AGBL4: variants seen among roughly 807,000 people sequenced by gnomAD.
The protein encoded by AGBL4 is AGBL carboxypeptidase 4.
AGBL4 carries 58 observed loss-of-function variants against 66.4 expected under a neutral mutation model. The ratio of observed to expected loss-of-function variants is 0.87; its 90% CI spans 0.71 to 1.09. The LOEUF (loss-of-function observed/expected upper bound fraction) is 1.09, where lower values mean the gene tolerates loss of function less well. Among genes scored for constraint, AGBL4 ranks in the 50% least tolerant of loss-of-function variants. The pLI is 0.00. For missense variants in AGBL4, 579 were observed against 631.0 expected (o/e 0.92, Z 0.88); for synonymous variants, 234 against 222.9 (o/e 1.05, Z -0.44).
At chr1:49,950,842 T>C (rs961374390) in intron 1 of AGBL4, among the ~76,000 whole-genome samples, 2 of 151,738 alleles carry the variant, frequency 1.3e-5, no homozygotes, top group Admixed American at 6.6e-5. Flanking sequence ...CAAGTGTCAA[T>C]TGATAAATGA....
chr1:49,797,474 C>T (rs1644758339), intron 2 of AGBL4, among the ~76,000 whole-genome samples: 1 of 152,128 alleles, frequency 6.6e-6, no homozygotes, highest in Non-Finnish European at 1.5e-5. Context: ...TGCTCTGTCG[C>T]CCAGGCTAGA....
intron 3 of AGBL4, among the ~76,000 whole-genome samples, chr1:49,509,293 A>T (rs1648979708): frequency 1.3e-5 from 2 of 151,962 alleles, no homozygotes; most frequent in African/African-American, 4.8e-5. Flanking sequence ...AGCAGAGGAT[A>T]ACCAATTATT....
At chr1:48,702,785 G>T (rs1458454470) in intron 6 of AGBL4, among the ~76,000 whole-genome samples, 2 of 152,146 alleles carry the variant, frequency 1.3e-5, no homozygotes, top group African/African-American at 4.8e-5. Flanking sequence ...ACTATTCTGG[G>T]CAAGGAGGAA....
chr1:49,797,736 C>A (rs1378850423), intron 2 of AGBL4, among the ~76,000 whole-genome samples: 1 of 152,044 alleles, frequency 6.6e-6, no homozygotes, highest in African/African-American at 2.4e-5. Flanking sequence ...TGAGTCACTG[C>A]GCAGCACAGC....
chr1:48,555,672 G>T (rs1644310500), intron 11 of AGBL4, among the ~76,000 whole-genome samples: 1 of 152,140 alleles, frequency 6.6e-6, no homozygotes, highest in Non-Finnish European at 1.5e-5. Context: ...TGGTTCCAGG[G>T]TGATTTCTCC....
intron 6 of AGBL4, among the ~76,000 whole-genome samples, chr1:48,701,862 A>AAATG (rs1312271062): frequency 2.0e-5 from 3 of 152,208 alleles, no homozygotes; most frequent in Admixed American, 6.5e-5. Context: ...AAATAGACAT[A>AAATG]AATGAATGAA....
intron 3 of AGBL4, among the ~76,000 whole-genome samples, chr1:49,507,226 A>G (rs1368128559): frequency 6.6e-6 from 1 of 151,956 alleles, no homozygotes; most frequent in Non-Finnish European, 1.5e-5. Flanking sequence ...AGCTGAGCCT[A>G]TTTCTCAACC....
At chr1:49,681,335 G>A (rs1646689388) in intron 3 of AGBL4, among the ~76,000 whole-genome samples, 1 of 152,136 alleles carries the variant, frequency 6.6e-6, no homozygotes, top group Non-Finnish European at 1.5e-5. Flanking sequence ...TCAATCTTGT[G>A]TTTTAGCAGT....
chr1:48,631,614 G>A (rs952713683), intron 9 of AGBL4, among the ~76,000 whole-genome samples: 3 of 152,088 alleles, frequency 2.0e-5, no homozygotes, highest in Admixed American at 6.5e-5. Context: ...GGCTGGTCTC[G>A]AACTCCTGAC....
At chr1:48,885,897 G>A (rs912847847) in intron 5 of AGBL4, among the ~76,000 whole-genome samples, 7 of 152,194 alleles carry the variant, frequency 4.6e-5, no homozygotes, top group Admixed American at 4.6e-4. Context: ...ACTGTAGATG[G>A]CAACCCCAAA....
rs144559503 is a variant in AGBL4, at chr1:48,866,925, G to A, written c.634+266C>T. Among the ~76,000 whole-genome samples the A allele has an allele frequency of 3.9e-3, 589 of 152,250 alleles. 1 individual carries two copies. The highest frequency in any genetic ancestry group is 5.9e-3 in the Non-Finnish European group (398 of 68,014). On this transcript the variant is annotated intron_variant, in intron 6 of 13. Coordinates refer to ENST00000371839, the MANE Select transcript of AGBL4 (RefSeq NM_032785.4). ...GTGGGTCCAATGAGTGATTTGGAGA[G>A]AACTTGACCCTAGAATATGCAGCAA... is the stretch of plus-strand genomic sequence containing the variant.
chr1:48,701,670 T>C (rs1280735057), intron 6 of AGBL4, among the ~76,000 whole-genome samples: 1 of 152,202 alleles, frequency 6.6e-6, no homozygotes, highest in African/African-American at 2.4e-5. Flanking sequence ...TAATGTATAA[T>C]ACACTGGATG....
At chr1:49,392,297 T>C (rs1644868112) in intron 3 of AGBL4, among the ~76,000 whole-genome samples, 1 of 152,180 alleles carries the variant, frequency 6.6e-6, no homozygotes. Context: ...GAAAGTTCTA[T>C]TTTTGGGGGC....
At chr1:49,120,567 G>A (rs879023720) in intron 4 of AGBL4, among the ~76,000 whole-genome samples, 1 of 152,228 alleles carries the variant, frequency 6.6e-6, no homozygotes. Context: ...GAGATCTGCT[G>A]TTAGTCTGAT....
chr1:49,521,043 A>G (rs1230460884), intron 3 of AGBL4, among the ~76,000 whole-genome samples: 1 of 152,002 alleles, frequency 6.6e-6, no homozygotes, highest in Non-Finnish European at 1.5e-5. Context: ...TCCCGACTTC[A>G]TATGATCCAC....
chr1:49,604,706 G>C (rs1451577413), intron 3 of AGBL4, among the ~76,000 whole-genome samples: 1 of 152,016 alleles, frequency 6.6e-6, no homozygotes, highest in East Asian at 1.9e-4. Flanking sequence ...CAGGTCAGGA[G>C]GTACATAGAC....
In AGBL4 at chr1:49,268,469, A is replaced by G. The variant is rs535888289; in HGVS notation, c.283-22605T>C. On this transcript the variant is annotated intron_variant, in intron 3 of 13. Coordinates refer to ENST00000371839, the MANE Select transcript of AGBL4 (RefSeq NM_032785.4). ...ACACACAAATACAAGATCTCACTCT[A>G]TTGCACAGGCTGGAGTGCAATAGTG... 3.4e-5 allele frequency among the ~76,000 whole-genome samples: 5 copies of G among 146,528 alleles called. No individual in the cohort carries two copies. In the South Asian group the frequency reaches 1.1e-3, roughly 32 times the overall value.
chr1:49,077,858 G>T (rs1286033574), intron 4 of AGBL4, among the ~76,000 whole-genome samples: 1 of 152,008 alleles, frequency 6.6e-6, no homozygotes, highest in Non-Finnish European at 1.5e-5. Flanking sequence ...GGAAGGGGAA[G>T]TCAGTGAGTT....
At chr1:49,815,693 T>C in intron 2 of AGBL4, among the ~76,000 whole-genome samples, 1 of 152,200 alleles carries the variant, frequency 6.6e-6, no homozygotes, top group East Asian at 1.9e-4. Context: ...GCTTGTCTTT[T>C]GGTTATGAGC....
Sources: allele counts gnomAD v4.1 joint callset (sites outside exome capture counted in the v4.1 genomes callset), GRCh38; gene constraint gnomAD v4.1.1; transcripts MANE v1.5; gene names NCBI Gene and HGNC (gene_info 2026-07-23, HGNC 2026-07-21).